Variants in RPP30 observed in about 807,000 individuals in gnomAD.
RPP30 encodes the protein ribonuclease P/MRP subunit p30, also known as ribonuclease P protein subunit p30.
Under a neutral mutation model 38.6 loss-of-function variants are expected in RPP30, and 36 were observed. The ratio of observed to expected loss-of-function variants is 0.93; its 90% CI spans 0.71 to 1.23. The LOEUF (loss-of-function observed/expected upper bound fraction) is 1.23, where lower values mean the gene tolerates loss of function less well. Among genes scored for constraint, RPP30 ranks in the 50% most tolerant of loss-of-function variants. RPP30 has a pLI of 0.00. For synonymous variants in RPP30, 126 were observed against 112.7 expected, an observed-to-expected ratio of 1.12 and a Z score of -0.75; for missense variants, 321 against 321.7, an observed-to-expected ratio of 1.00 and a Z score of 0.02.
chr10:90,907,932 C>T (rs1036275959), downstream of RPP30, among the ~76,000 whole-genome samples: 3 of 152,198 alleles, frequency 2.0e-5, no homozygotes, highest in African/African-American at 7.2e-5. Flanking sequence ...CAGAGTGTTA[C>T]TTACACAAAC....
chr10:90,896,460 T>A, intron 10 of RPP30, 68 bp downstream of exon 10: 1 of 1,230,676 alleles, frequency 8.1e-7, no homozygotes, highest in Non-Finnish European at 1.2e-6. Context: ...CAGCCATACC[T>A]ATTTTTATTG....
chr10:90,881,073 C>T (rs1564711467), intron 5 of RPP30, among the ~76,000 whole-genome samples: 2 of 152,144 alleles, frequency 1.3e-5, no homozygotes, highest in Non-Finnish European at 2.9e-5. Flanking sequence ...TGCAGATGTA[C>T]CAAGTATTTT....
intron 5 of RPP30, among the ~76,000 whole-genome samples, chr10:90,880,700 A>T (rs570588559): frequency 6.6e-6 from 1 of 152,316 alleles, no homozygotes; most frequent in East Asian, 1.9e-4. Context: ...AGCCTGGGCA[A>T]CAGAGTAAGA....
At chr10:90,887,210 C>G (rs1847013860) in intron 6 of RPP30, among the ~76,000 whole-genome samples, 1 of 151,932 alleles carries the variant, frequency 6.6e-6, no homozygotes, top group African/African-American at 2.4e-5. Flanking sequence ...TCAAGCAATC[C>G]TCCCACCTCA....
intron 6 of RPP30, among the ~76,000 whole-genome samples, chr10:90,890,108 A>C (rs982791899): frequency 2.0e-5 from 3 of 152,202 alleles, no homozygotes; most frequent in African/African-American, 7.2e-5. Context: ...TCACACAGTT[A>C]AATGACTCTC....
chr10:90,908,260 C>T (rs1468615769), downstream of RPP30: 1 of 152,136 alleles, frequency 6.6e-6, no homozygotes, highest in Non-Finnish European at 1.5e-5. Context: ...CCTCATTATT[C>T]CTTTAATATT....
intron 10 of RPP30, among the ~76,000 whole-genome samples, chr10:90,899,443 C>G (rs1185492148): frequency 1.3e-5 from 2 of 152,142 alleles, no homozygotes. Flanking sequence ...AATTTCTGTT[C>G]AAGTTCTTTT....
At chr10:90,898,883 C>T (rs879914808) in intron 10 of RPP30, among the ~76,000 whole-genome samples, 1 of 152,144 alleles carries the variant, frequency 6.6e-6, no homozygotes, top group African/African-American at 2.4e-5. Context: ...CTCAATCAGC[C>T]CCTGGACCAA....
chr10:90,874,868 G>C lies in RPP30; in HGVS notation c.83-1G>C. Reference sequence around the variant, plus strand: ...AAAAGTGTTCAATTTTTCTTTTTCAGTTGGCTATTCAGTTGTTGCTATCAA... The same window carrying C: ...AAAAGTGTTCAATTTTTCTTTTTCACTTGGCTATTCAGTTGTTGCTATCAA... On this transcript the variant is annotated splice_acceptor_variant, in intron 1 of 10. Coordinates refer to ENST00000371703, the MANE Select transcript of RPP30 (RefSeq NM_006413.5). LOFTEE classifies it high-confidence loss of function. 1 of 1,592,690 alleles carries C rather than the reference G, an allele frequency of 6.3e-7. No homozygotes were observed. Among genetic ancestry groups the C allele is most frequent in the Non-Finnish European group, 8.6e-7 (1 of 1,167,046 alleles).
At chr10:90,907,012 T>G (rs1229532959), downstream of RPP30, among the ~76,000 whole-genome samples, 4 of 152,254 alleles carry the variant, frequency 2.6e-5, no homozygotes, top group Admixed American at 2.6e-4. Context: ...GTCTTAATTC[T>G]AATGGGATTT....
downstream of RPP30, among the ~76,000 whole-genome samples, chr10:90,902,906 A>G (rs1311827972): frequency 6.6e-6 from 1 of 152,218 alleles, no homozygotes; most frequent in Non-Finnish European, 1.5e-5. Context: ...ACCCTGCTTA[A>G]GTTCACCAAA....
rs950545727 is a variant in RPP30, at chr10:90,879,069, A to C, written c.277A>C (p.Thr93Pro). The part of the protein sequence containing the change: ...DPSHCNVLRA[T>P]SSRARLYDVV... The stretch of plus-strand genomic sequence containing the variant: ...ATTCTTTTTGTATTCCTAGAGAGCA[A>C]CTTCTTCAAGGGCCCGGCTCTATGA... The change falls in exon 5 of 11, where the codon ACT (threonine) becomes CCT (proline). Residue 93 changes from threonine (T) to proline (P), a missense_variant. Thr to Pro is a conservative substitution (Grantham distance 38). Coordinates refer to ENST00000371703, the MANE Select transcript of RPP30 (RefSeq NM_006413.5). 1.2e-6 allele frequency: 2 copies of C among 1,613,592 alleles called. No individual in the cohort carries two copies. Among genetic ancestry groups the C allele is most frequent in the South Asian group, 2.2e-5 (2 of 90,914 alleles).
intron 5 of RPP30, among the ~76,000 whole-genome samples, chr10:90,885,593 G>A (rs1220199713): frequency 1.3e-5 from 2 of 152,156 alleles, no homozygotes; most frequent in Non-Finnish European, 1.5e-5. Flanking sequence ...AAAGTCTGTG[G>A]ACATATTCCG....
chr10:90,872,933 A>G (rs753002488), intron 1 of RPP30, among the ~76,000 whole-genome samples: 1 of 152,200 alleles, frequency 6.6e-6, no homozygotes, highest in Non-Finnish European at 1.5e-5. Flanking sequence ...TCTCTGTGGT[A>G]CTTTGCTCAT....
chr10:90,879,905 G>A (rs1326595772), intron 5 of RPP30: 1 of 152,134 alleles, frequency 6.6e-6, no homozygotes, highest in Non-Finnish European at 1.5e-5. Flanking sequence ...TCACTAAAGT[G>A]TCCATCCGCC....
intron 4 of RPP30, among the ~76,000 whole-genome samples, chr10:90,876,539 A>G (rs1331378921): frequency 6.6e-6 from 1 of 152,210 alleles, no homozygotes; most frequent in Non-Finnish European, 1.5e-5. Context: ...GTAAGTTGAT[A>G]TTCAAGCTGG....
intron 5 of RPP30, among the ~76,000 whole-genome samples, chr10:90,881,165 A>G (rs926536132): frequency 1.6e-4 from 25 of 152,374 alleles, no homozygotes; most frequent in African/African-American, 6.0e-4. Flanking sequence ...TTAGAGAAAC[A>G]AAAGAAGGTA....
intron 10 of RPP30, among the ~76,000 whole-genome samples, chr10:90,899,855 T>G (rs1476176177): frequency 2.0e-5 from 3 of 152,222 alleles, no homozygotes; most frequent in Non-Finnish European, 4.4e-5. Context: ...AAGCACTGTC[T>G]GTTAGGAATC....
chr10:90,894,664 A>T (rs951602052), intron 6 of RPP30, 111 bp from the exon 7 acceptor site: 5 of 762,920 alleles, frequency 6.6e-6, no homozygotes, highest in Non-Finnish European at 1.2e-5. Context: ...GTACCTTGAC[A>T]TGTAAGGGGT....
Sources: gnomAD v4.1 joint callset for allele counts (sites outside exome capture counted in the v4.1 genomes callset) on GRCh38, gnomAD v4.1.1 for gene constraint, MANE v1.5 for transcripts, NCBI Gene and HGNC (gene_info 2026-07-23, HGNC 2026-07-21) for gene names.